The following CADM2 variants were observed in gnomAD, a reference collection of about 807,000 sequenced individuals.
The protein encoded by CADM2 is cell adhesion molecule 2, also known as immunoglobulin superfamily member 4D.
A neutral mutation model predicts 49.8 loss-of-function variants in CADM2; 12 were observed. The observed-to-expected ratio is 0.24, with a 90% CI of 0.15 to 0.39. CADM2 has a LOEUF of 0.39. Among genes scored for constraint, CADM2 ranks in the 10% least tolerant of loss-of-function variants. CADM2 has a pLI of 1.00. For missense variants in CADM2, 378 were observed against 492.3 expected, an observed-to-expected ratio of 0.77 and a Z score of 2.20; for synonymous variants, 214 against 175.4, an observed-to-expected ratio of 1.22 and a Z score of -1.74.
chr3:85,359,910 A>T (rs1037670461), intron 1 of CADM2, among the ~76,000 whole-genome samples: 2 of 151,226 alleles, frequency 1.3e-5, no homozygotes, highest in Non-Finnish European at 2.9e-5. Context: ...TATCAGGCAG[A>T]TTATCAAATC....
At chr3:86,023,512 C>A (rs2107070264) in intron 8 of CADM2, among the ~76,000 whole-genome samples, 1 of 152,210 alleles carries the variant, frequency 6.6e-6, no homozygotes, top group South Asian at 2.1e-4. Flanking sequence ...GCATGCACCA[C>A]CACACCCAGC....
At chr3:85,197,859 G>A (rs182692835) in intron 1 of CADM2, among the ~76,000 whole-genome samples, 2 of 151,996 alleles carry the variant, frequency 1.3e-5, no homozygotes, top group Admixed American at 6.6e-5. Context: ...GGAATGGTTT[G>A]TAGTGTCTGA....
intron 1 of CADM2, among the ~76,000 whole-genome samples, chr3:85,346,880 G>A (rs930856945): frequency 3.9e-5 from 6 of 151,998 alleles, no homozygotes; most frequent in South Asian, 2.1e-4. Context: ...TTTATACTGC[G>A]TATGCATTAA....
chr3:85,489,312 G>A (rs1428322998), intron 1 of CADM2, among the ~76,000 whole-genome samples: 1 of 151,998 alleles, frequency 6.6e-6, no homozygotes, highest in Non-Finnish European at 1.5e-5. Flanking sequence ...TGGAGAAAAT[G>A]GAATTCCTAA....
At chr3:85,616,053 CTG>C (rs998528716) in intron 1 of CADM2, among the ~76,000 whole-genome samples, 1 of 151,834 alleles carries the variant, frequency 6.6e-6, no homozygotes, top group Non-Finnish European at 1.5e-5. Context: ...GCAGAGTTGA[CTG>C]TGTAAAATTA....
intron 1 of CADM2, among the ~76,000 whole-genome samples, chr3:85,382,530 C>T (rs1254452185): frequency 1.3e-5 from 2 of 152,156 alleles, no homozygotes; most frequent in African/African-American, 2.4e-5. Context: ...TCATATATAA[C>T]ATCTTATTCG....
At chr3:85,131,731 G>GA (rs2039235593) in intron 1 of CADM2, among the ~76,000 whole-genome samples, 1 of 152,070 alleles carries the variant, frequency 6.6e-6, no homozygotes, top group Non-Finnish European at 1.5e-5. Flanking sequence ...AGGATTTAGT[G>GA]AAAATGTTCC....
intron 1 of CADM2, among the ~76,000 whole-genome samples, chr3:84,992,536 G>A (rs2032951346): frequency 6.6e-6 from 1 of 152,110 alleles, no homozygotes. Context: ...GGCTGAGGCA[G>A]TAGAATCACT....
intron 1 of CADM2, among the ~76,000 whole-genome samples, chr3:85,379,123 T>G (rs146832504): frequency 6.6e-6 from 1 of 152,012 alleles, no homozygotes. Context: ...CTCATAATAA[T>G]ATGAGGTGGA....
chr3:85,838,233 C>A (rs2074487729), intron 3 of CADM2, among the ~76,000 whole-genome samples: 1 of 151,786 alleles, frequency 6.6e-6, no homozygotes, highest in Non-Finnish European at 1.5e-5. Context: ...TCTTCTGCAT[C>A]TTTAAAAGGA....
intron 1 of CADM2, among the ~76,000 whole-genome samples, chr3:85,617,737 G>C (rs575577883): frequency 7.2e-5 from 11 of 152,232 alleles, no homozygotes; most frequent in African/African-American, 2.4e-4. Flanking sequence ...CCAACCACCA[G>C]TCAGTCATTA....
At chr3:84,996,393 T>C (rs1256324557) in intron 1 of CADM2, among the ~76,000 whole-genome samples, 2 of 152,144 alleles carry the variant, frequency 1.3e-5, no homozygotes, top group Non-Finnish European at 2.9e-5. Context: ...ATAATTAATT[T>C]ACTTGTATAA....
chr3:85,773,743 C>A (rs1002982182), intron 2 of CADM2, among the ~76,000 whole-genome samples: 1 of 151,864 alleles, frequency 6.6e-6, no homozygotes, highest in Non-Finnish European at 1.5e-5. Context: ...CTTTAAGTTC[C>A]GTGAGTGCTG....
chr3:85,928,877 AT>A (rs1195585783), intron 6 of CADM2, among the ~76,000 whole-genome samples: 7 of 152,156 alleles, frequency 4.6e-5, no homozygotes, highest in African/African-American at 1.7e-4. Context: ...AATATATTAG[AT>A]TTTGAGTGCT....
intron 1 of CADM2, among the ~76,000 whole-genome samples, chr3:85,331,147 T>C (rs1245849576): frequency 1.3e-5 from 2 of 152,122 alleles, no homozygotes; most frequent in Admixed American, 6.6e-5. Context: ...AATTCTACTC[T>C]TCATTGTTTT....
chr3:85,144,620 A>AAAAAGAAAGAAAGAAAG (rs373935603), intron 1 of CADM2, among the ~76,000 whole-genome samples: 2,528 of 136,338 alleles, frequency 0.019, 106 homozygotes, highest in African/African-American at 0.069. Context: ...TCAAAAAAAA[A>AAAAAGAAAGAAAGAAAG]AAAGAAAGAA....
At chr3:85,259,327 T>G (rs1448715406) in intron 1 of CADM2, among the ~76,000 whole-genome samples, 1 of 152,148 alleles carries the variant, frequency 6.6e-6, no homozygotes, top group Non-Finnish European at 1.5e-5. Flanking sequence ...ATTTTTTTAA[T>G]CGTGTTTAAT....
intron 1 of CADM2, among the ~76,000 whole-genome samples, chr3:85,060,114 G>A (rs528290164): frequency 8.6e-5 from 13 of 151,964 alleles, no homozygotes; most frequent in South Asian, 8.3e-4. Flanking sequence ...TACTCTCCAG[G>A]ATTTTATTGC....
intron 1 of CADM2, among the ~76,000 whole-genome samples, chr3:85,203,087 A>C (rs1406302946): frequency 6.6e-6 from 1 of 152,136 alleles, no homozygotes; most frequent in Non-Finnish European, 1.5e-5. Context: ...AGCTTCTTGC[A>C]GACCACTCAA....
Sources: allele counts gnomAD v4.1 joint callset (sites outside exome capture counted in the v4.1 genomes callset), GRCh38; gene constraint gnomAD v4.1.1; transcripts MANE v1.5; gene names NCBI Gene and HGNC (gene_info 2026-07-23, HGNC 2026-07-21).